PPP2R3C: variants seen among roughly 807,000 people sequenced by gnomAD.
PPP2R3C encodes the protein serine/threonine-protein phosphatase 2A regulatory subunit B'' subunit gamma.
Under a neutral mutation model 63.7 loss-of-function variants are expected in PPP2R3C, and 47 were observed. The observed-to-expected ratio is 0.74, with a 90% CI of 0.58 to 0.94. PPP2R3C has a LOEUF of 0.94. Ranked by LOEUF, PPP2R3C falls within the 40% of genes least tolerant of loss-of-function variation. The pLI is 0.00. For missense variants in PPP2R3C, 421 were observed against 518.4 expected (o/e 0.81, Z 1.82); for synonymous variants, 180 against 177.4 (o/e 1.01, Z -0.12).
At chr14:35,092,791 A>C (rs971821802) in intron 10 of PPP2R3C, among the ~76,000 whole-genome samples, 1 of 152,128 alleles carries the variant, frequency 6.6e-6, no homozygotes, top group African/African-American at 2.4e-5. Flanking sequence ...TTAAATTGCT[A>C]TTTTAAAATA....
At chr14:35,115,017 T>G (rs1370255622) in intron 2 of PPP2R3C, among the ~76,000 whole-genome samples, 3 of 149,862 alleles carry the variant, frequency 2.0e-5, no homozygotes, top group Non-Finnish European at 3.0e-5. Flanking sequence ...AAAGATGGGG[T>G]GTGGGGTGGT....
rs2046110214 is a variant in PPP2R3C, at chr14:35,099,383, TC to T, written c.574del (p.Asp192IlefsTer2). 1.3e-6 allele frequency: 2 copies of T among 1,589,804 alleles called. No homozygotes were observed. Among genetic ancestry groups the T allele is most frequent in the Non-Finnish European group, 1.7e-6 (2 of 1,174,784 alleles). ...AAGTTCCAATATGTAGTTTTCTAAA[TC>T]CTGAAAATAAAACAAAATAAAGTGT... The part of the protein sequence containing the change: ...VAGQGYLRES[D>X]LENYILELIP... On this transcript the variant is annotated frameshift_variant and splice_region_variant, in exon 7 of 13. Transcript: ENST00000261475. LOFTEE classifies it high-confidence loss of function.
chr14:35,105,336 CCAT>C (rs2046314705), intron 6 of PPP2R3C, among the ~76,000 whole-genome samples: 1 of 151,848 alleles, frequency 6.6e-6, no homozygotes, highest in African/African-American at 2.4e-5. Context: ...GTGGCCACCA[CCAT>C]GCCTGGCTAA....
chr14:35,121,718 C>T, intron 1 of PPP2R3C, 184 bp downstream of exon 1: 2 of 613,912 alleles, frequency 3.3e-6, no homozygotes, highest in East Asian at 5.6e-5. Flanking sequence ...CTAGATTCTG[C>T]CCCAGGAAAG....
intron 6 of PPP2R3C, among the ~76,000 whole-genome samples, 198 bp downstream of exon 6, chr14:35,107,106 G>A (rs1595111504): frequency 6.6e-6 from 1 of 152,252 alleles, no homozygotes; most frequent in East Asian, 1.9e-4. Context: ...CTGGAAAGAT[G>A]ATGTTCAATT....
chr14:35,110,462 T>C, intron 3 of PPP2R3C, 63 bp downstream of exon 3: 4 of 1,126,320 alleles, frequency 3.6e-6, no homozygotes, highest in Non-Finnish European at 3.9e-6. Flanking sequence ...AAATCCTGCA[T>C]GATTTAAGTA....
chr14:35,116,879 C>T, intron 1 of PPP2R3C, 142 bp from the exon 2 acceptor site: 1 of 655,614 alleles, frequency 1.5e-6, no homozygotes, highest in Non-Finnish European at 2.4e-6. Context: ...AGACACTGAG[C>T]ATATTAACTT....
intron 7 of PPP2R3C, among the ~76,000 whole-genome samples, chr14:35,097,730 CA>C (rs2046044487): frequency 6.6e-6 from 1 of 152,068 alleles, no homozygotes; most frequent in African/African-American, 2.4e-5. Flanking sequence ...ATGATTCACC[CA>C]TCTTAGCCTC....
chr14:35,089,998 CAG>C (rs1346602446), intron 11 of PPP2R3C, among the ~76,000 whole-genome samples: 1 of 151,986 alleles, frequency 6.6e-6, no homozygotes, highest in Non-Finnish European at 1.5e-5. Context: ...ATTTACATAA[CAG>C]ATTTCAGAAA....
At chr14:35,111,982 C>A (rs780989583) in intron 2 of PPP2R3C, among the ~76,000 whole-genome samples, 1 of 152,212 alleles carries the variant, frequency 6.6e-6, no homozygotes, top group Non-Finnish European at 1.5e-5. Context: ...CTTGCAATTC[C>A]CATCTTGATA....
chr14:35,096,829 A>C, intron 7 of PPP2R3C, 65 bp from the exon 8 acceptor site: 1 of 1,427,010 alleles, frequency 7.0e-7, no homozygotes, highest in Non-Finnish European at 9.3e-7. Flanking sequence ...ATTAATTAAA[A>C]AAAAATTTTT....
In PPP2R3C at chr14:35,110,171, C is replaced by T. The variant is rs1000923340; in HGVS notation, c.292-240G>A. On this transcript the variant is annotated intron_variant, in intron 3 of 12. Transcript: ENST00000261475. ...ACATCTCTATGATATAGTTAGCTAT[C>T]CCTACTTTAGAGATGATAATCGAAG... 6.5e-6 allele frequency: 3 copies of T among 464,668 alleles called. No individual in the cohort carries two copies. The East Asian group carries it at 1.1e-4, about 17-fold the overall frequency. The allele number at this position is 464,668 out of a possible 1,614,324, so 28.8% of individuals were successfully genotyped here.
chr14:35,117,071 T>C, intron 1 of PPP2R3C: 1 of 456,054 alleles, frequency 2.2e-6, no homozygotes, highest in Non-Finnish European at 4.4e-6. Flanking sequence ...ACTGAGCACC[T>C]ACTATGTACA....
At chr14:35,104,667 C>G (rs562929644) in intron 6 of PPP2R3C, among the ~76,000 whole-genome samples, 35 of 152,298 alleles carry the variant, frequency 2.3e-4, no homozygotes, top group African/African-American at 8.2e-4. Context: ...AAACAAGCAG[C>G]CTCTTGGTAA....
At chr14:35,117,101 C>T (rs926313009) in intron 1 of PPP2R3C, 9 of 455,828 alleles carry the variant, frequency 2.0e-5, no homozygotes, top group Non-Finnish European at 4.0e-5. Context: ...GTAGTAGACA[C>T]GGAATGAGGG....
At chr14:35,091,356 T>A in intron 10 of PPP2R3C, 149 bp from the exon 11 acceptor site, 1 of 729,744 alleles carries the variant, frequency 1.4e-6, no homozygotes, top group Non-Finnish European at 2.1e-6. Flanking sequence ...TTTATATACT[T>A]AATATTGGTT....
intron 4 of PPP2R3C, among the ~76,000 whole-genome samples, chr14:35,108,685 A>C (rs1199754943): frequency 6.6e-6 from 1 of 152,026 alleles, no homozygotes; most frequent in Non-Finnish European, 1.5e-5. Flanking sequence ...CAGGAGAATC[A>C]CTTGAACCCA....
intron 7 of PPP2R3C, among the ~76,000 whole-genome samples, chr14:35,097,262 A>G (rs1566409420): frequency 6.6e-6 from 1 of 152,062 alleles, no homozygotes; most frequent in Non-Finnish European, 1.5e-5. Flanking sequence ...ATTTAATAAC[A>G]TCTCTACTTG....
At chr14:35,119,849 CTTTTTTTT>C (rs71121267) in intron 1 of PPP2R3C, among the ~76,000 whole-genome samples, 282 of 116,996 alleles carry the variant, frequency 2.4e-3, no homozygotes, top group Non-Finnish European at 3.6e-3. Context: ...GACAGTTCAT[CTTTTTTTT>C]TTTTTTTTTT....
Sources: gnomAD v4.1 joint callset for allele counts (sites outside exome capture counted in the v4.1 genomes callset) on GRCh38, gnomAD v4.1.1 for gene constraint, MANE v1.5 for transcripts, NCBI Gene and HGNC (gene_info 2026-07-23, HGNC 2026-07-21) for gene names.